The following TRAPPC9 variants were observed in gnomAD, a reference collection of about 807,000 sequenced individuals.
TRAPPC9 encodes IKK2 binding protein.
Under a neutral mutation model 124.0 loss-of-function variants are expected in TRAPPC9, and 83 were observed. That is an observed-to-expected ratio of 0.67 (90% CI 0.56 to 0.80). The LOEUF is 0.80. TRAPPC9 is among the 30% of genes least tolerant of loss of function. The pLI, the probability that TRAPPC9 is intolerant of heterozygous loss-of-function variation, is 0.00. For missense variants in TRAPPC9, 1,302 were observed against 1,508.3 expected (o/e 0.86, Z 2.27); for synonymous variants, 638 against 617.5 (o/e 1.03, Z -0.49).
intron 17 of TRAPPC9, among the ~76,000 whole-genome samples, chr8:140,186,946 C>T (rs963035910): frequency 2.6e-5 from 4 of 152,114 alleles, no homozygotes; most frequent in Non-Finnish European, 5.9e-5. Context: ...GAGATAAATG[C>T]TGTTATTTTT....
chr8:140,416,821 C>T (rs184982313), intron 5 of TRAPPC9, among the ~76,000 whole-genome samples: 1 of 152,178 alleles, frequency 6.6e-6, no homozygotes, highest in Admixed American at 6.5e-5. Context: ...TCAAACTATA[C>T]TACAAGTCTA....
chr8:139,874,357 C>T (rs1829185335), intron 21 of TRAPPC9, among the ~76,000 whole-genome samples: 1 of 152,186 alleles, frequency 6.6e-6, no homozygotes, highest in Non-Finnish European at 1.5e-5. Flanking sequence ...TACTGAGCAC[C>T]CGCAGGTGCT....
At chr8:140,288,676 G>C (rs953704001) in intron 12 of TRAPPC9, among the ~76,000 whole-genome samples, 27 of 152,056 alleles carry the variant, frequency 1.8e-4, no homozygotes, top group African/African-American at 6.5e-4. Flanking sequence ...TTGAACTTTC[G>C]AGTACATTTA....
intron 5 of TRAPPC9, among the ~76,000 whole-genome samples, chr8:140,414,708 G>T (rs147625659): frequency 3.9e-5 from 6 of 152,132 alleles, no homozygotes; most frequent in African/African-American, 1.4e-4. Context: ...TAACCAATGG[G>T]TCAAAGAAGA....
At chr8:140,165,792 C>T (rs1043640772) in intron 17 of TRAPPC9, among the ~76,000 whole-genome samples, 12 of 152,054 alleles carry the variant, frequency 7.9e-5, no homozygotes, top group African/African-American at 1.4e-4. Flanking sequence ...GCAACCTGCC[C>T]GGAGCCCAGG....
At chr8:139,819,414 A>C (rs1390290829) in intron 21 of TRAPPC9, among the ~76,000 whole-genome samples, 3 of 152,038 alleles carry the variant, frequency 2.0e-5, no homozygotes, top group Non-Finnish European at 4.4e-5. Flanking sequence ...AGCATCCCCC[A>C]CCACTGTCCA....
At chr8:140,199,064 C>G (rs1378521673) in intron 17 of TRAPPC9, among the ~76,000 whole-genome samples, 1 of 152,080 alleles carries the variant, frequency 6.6e-6, no homozygotes, top group Non-Finnish European at 1.5e-5. Context: ...AGGCCTGGAC[C>G]CCCAGGAGAA....
At chr8:140,121,299 G>C (rs928084344) in intron 17 of TRAPPC9, among the ~76,000 whole-genome samples, 1 of 152,258 alleles carries the variant, frequency 6.6e-6, no homozygotes. Flanking sequence ...CCATGGGCCT[G>C]GGTGTTGTTG....
intron 17 of TRAPPC9, among the ~76,000 whole-genome samples, chr8:140,120,476 A>G (rs1421147299): frequency 6.6e-6 from 1 of 152,238 alleles, no homozygotes; most frequent in Non-Finnish European, 1.5e-5. Flanking sequence ...TTTCACTTCC[A>G]TACAGCTTTT....
intron 17 of TRAPPC9, among the ~76,000 whole-genome samples, chr8:140,165,639 G>A: frequency 7.2e-6 from 1 of 139,270 alleles, no homozygotes; most frequent in East Asian, 2.4e-4. Flanking sequence ...AAAGGGGAGG[G>A]GGGGATGCGG....
chr8:140,359,246 A>C (rs1261004312), intron 9 of TRAPPC9, among the ~76,000 whole-genome samples: 1 of 151,546 alleles, frequency 6.6e-6, no homozygotes, highest in African/African-American at 2.4e-5. Context: ...GTCCCAATAC[A>C]CTCTGCACAC....
rs2071449679 is a variant in TRAPPC9, at chr8:140,451,231, T to G, written c.143A>C (p.Asp48Ala). Residue 48 changes from aspartate (D) to alanine (A), a missense_variant, in exon 2 of 23, where the codon GAC (aspartate) becomes GCC (alanine). Physicochemically the swap from Asp to Ala is moderately radical, Grantham distance 126. Around this residue, in one of 3 missense-constraint regions of TRAPPC9, gnomAD observed 657 missense variants for 811.2 expected, o/e 0.81. Coordinates refer to ENST00000438773, the MANE Select transcript of TRAPPC9 (RefSeq NM_001160372.4). ...GCGGATGTAGAGGACTCGCTGGGAG[T>G]CCCGCACGCTGATCTGACTCACAGA... ...ICSVSQISVR[D>A]SQRVLYIRYR... 2.5e-6 allele frequency: 4 copies of G among 1,613,622 alleles called. No individual in the cohort carries two copies. Among genetic ancestry groups the G allele is most frequent in the Non-Finnish European group, 3.4e-6 (4 of 1,179,968 alleles).
At chr8:140,083,814 G>C (rs894071140) in intron 17 of TRAPPC9, among the ~76,000 whole-genome samples, 1 of 151,968 alleles carries the variant, frequency 6.6e-6, no homozygotes, top group African/African-American at 2.4e-5. Flanking sequence ...TTACAGGCAC[G>C]GGCCACCACA....
intron 21 of TRAPPC9, among the ~76,000 whole-genome samples, chr8:139,829,158 T>C (rs1339853106): frequency 6.6e-6 from 1 of 152,234 alleles, no homozygotes; most frequent in African/African-American, 2.4e-5. Context: ...ATATGTGTAC[T>C]AGACTAATGT....
chr8:139,777,700 C>T (rs56136648), intron 21 of TRAPPC9, among the ~76,000 whole-genome samples: 3,175 of 152,308 alleles, frequency 0.021, 47 homozygotes, highest in Middle Eastern at 0.048. Context: ...ATTTACCCTC[C>T]GCCTGGAACA....
intron 21 of TRAPPC9, among the ~76,000 whole-genome samples, chr8:139,765,849 C>T (rs923323641): frequency 6.6e-6 from 1 of 152,178 alleles, no homozygotes; most frequent in Non-Finnish European, 1.5e-5. Flanking sequence ...ATCACCCAGC[C>T]TGGCACAGGG....
intron 19 of TRAPPC9, among the ~76,000 whole-genome samples, chr8:139,953,681 T>C (rs1229925866): frequency 6.6e-6 from 1 of 152,092 alleles, no homozygotes; most frequent in East Asian, 1.9e-4. Flanking sequence ...GTATCTAGAG[T>C]ATGTGACGAT....
At position 139,972,315 on chromosome 8, in the gene TRAPPC9, T is replaced by TA. The variant is rs111253000; in HGVS notation, c.2810+16410dup. Among the ~76,000 whole-genome samples the TA allele has an allele frequency of 9.3e-3, 1,418 of 152,302 alleles. 23 individuals are homozygous for TA. Among genetic ancestry groups the TA allele is most frequent in the African/African-American group, 0.033 (1,356 of 41,556 alleles). ...TCTGAGGAGGGGTGAGTCCCAAACTTACCTGGGAGGTGCTTCTGTACAGAA... is the reference window on the plus strand; with the variant it reads ...TCTGAGGAGGGGTGAGTCCCAAACTTAACCTGGGAGGTGCTTCTGTACAGAA... On this transcript the variant is annotated intron_variant, in intron 19 of 22. Transcript: ENST00000438773.
intron 17 of TRAPPC9, among the ~76,000 whole-genome samples, chr8:140,131,495 A>G (rs1007708651): frequency 1.3e-5 from 2 of 152,192 alleles, no homozygotes; most frequent in Non-Finnish European, 2.9e-5. Context: ...CGAACCTCCA[A>G]CTACATCCAG....
Sources: allele counts gnomAD v4.1 joint callset (sites outside exome capture counted in the v4.1 genomes callset), GRCh38; gene constraint gnomAD v4.1.1; regional missense constraint gnomAD v4.1.1; transcripts MANE v1.5; gene names NCBI Gene and HGNC (gene_info 2026-07-23, HGNC 2026-07-21).